TTC3: variants seen among roughly 807,000 people sequenced by gnomAD.
TTC3 encodes the protein tetratricopeptide repeat domain 3.
A neutral mutation model predicts 249.6 loss-of-function variants in TTC3; 180 were observed. That is an observed-to-expected ratio of 0.72 (90% CI 0.64 to 0.82). The LOEUF (loss-of-function observed/expected upper bound fraction) is 0.82. TTC3 is among the 40% of genes least tolerant of loss of function. The probability of loss-of-function intolerance (pLI) is 0.00; values close to 1 mark genes in which losing one functional copy is unlikely to be tolerated. For synonymous variants in TTC3, 717 were observed against 805.0 expected (o/e 0.89, Z 1.85); for missense variants, 2,061 against 2,398.4 (o/e 0.86, Z 2.94).
intron 22 of TTC3, among the ~76,000 whole-genome samples, chr21:37,148,087 G>A (rs1402511094): frequency 1.3e-5 from 2 of 152,084 alleles, no homozygotes; most frequent in Non-Finnish European, 1.5e-5. Context: ...ATGTATAAAC[G>A]CTCTGGGCTG....
chr21:37,120,761 G>A (rs915573949), intron 11 of TTC3, among the ~76,000 whole-genome samples: 3 of 152,142 alleles, frequency 2.0e-5, no homozygotes, highest in Non-Finnish European at 4.4e-5. Flanking sequence ...GCATAAACAC[G>A]TACCCACGTA....
intron 10 of TTC3, among the ~76,000 whole-genome samples, chr21:37,105,314 G>C (rs920380341): frequency 6.6e-6 from 1 of 152,106 alleles, no homozygotes; most frequent in African/African-American, 2.4e-5. Context: ...AAATGGTAAA[G>C]AAAACTTACC....
At chr21:37,091,393 T>C in exon 7 of TTC3, 3 of 1,609,278 alleles carry the variant, frequency 1.9e-6, no homozygotes, top group Non-Finnish European at 2.5e-6. Context: ...TGGCCTATGT[T>C]AAGTATTTTC....
At chr21:37,129,009 C>T (rs1297767820) in exon 16 of TTC3, 1 of 1,591,396 alleles carries the variant, frequency 6.3e-7, no homozygotes, top group Non-Finnish European at 8.5e-7. Flanking sequence ...ACAGGTCAGC[C>T]TCCAAAACAT....
At chr21:37,073,389 C>A (rs1320258897) in intron 1 of TTC3, 14 of 986,012 alleles carry the variant, frequency 1.4e-5, no homozygotes, top group Non-Finnish European at 1.7e-5. Flanking sequence ...GGCGCGCTGC[C>A]GGGCTCCCGG....
intron 32 of TTC3, among the ~76,000 whole-genome samples, chr21:37,164,896 T>G (rs1198767224): frequency 1.3e-5 from 2 of 152,222 alleles, no homozygotes; most frequent in African/African-American, 2.4e-5. Flanking sequence ...GTCAGTAGCA[T>G]ATCCACCATA....
Position 37,115,790 on chromosome 21 carries a change from C to G in TTC3, c.901-6027C>G, listed in dbSNP as rs149886546. On this transcript the variant is annotated intron_variant, in intron 11 of 45. Transcript: ENST00000355666. ...TTCCTCAGACATTCCAGGCCCACTTCCACTTTGTACTTGCCCTTCCCTCTG... is the reference window on the plus strand; with the variant it reads ...TTCCTCAGACATTCCAGGCCCACTTGCACTTTGTACTTGCCCTTCCCTCTG... Among the ~76,000 whole-genome samples the G allele has an allele frequency of 4.9e-4, 75 of 152,314 alleles. 2 individuals carry two copies. The highest frequency in any genetic ancestry group is 3.9e-3 in the East Asian group (20 of 5,190).
intron 6 of TTC3, 80 bp downstream of exon 6, chr21:37,090,366 G>C (rs532856592): frequency 7.8e-7 from 1 of 1,286,728 alleles, no homozygotes; most frequent in African/African-American, 1.5e-5. Context: ...CCTTGCATTG[G>C]GTCCATACAC....
chr21:37,081,373 C>CCCG (rs1186799046), intron 1 of TTC3, among the ~76,000 whole-genome samples: 97 of 152,230 alleles, frequency 6.4e-4, no homozygotes, highest in Non-Finnish European at 8.2e-4. Context: ...GCCTCAGCCT[C>CCCG]CCAAAGTGCT....
chr21:37,149,740 C>T (rs1356592220), intron 23 of TTC3, among the ~76,000 whole-genome samples: 2 of 152,108 alleles, frequency 1.3e-5, no homozygotes, highest in East Asian at 3.9e-4. Context: ...TGAAGAATGA[C>T]CCTTTTCTGG....
intron 1 of TTC3, chr21:37,086,780 T>C (rs1408597643): frequency 6.3e-6 from 1 of 159,690 alleles, no homozygotes; most frequent in East Asian, 1.8e-4. Context: ...AGGATTTAGG[T>C]TAGGCCAGGA....
At chr21:37,086,152 A>C (rs949124268) in intron 1 of TTC3, 5 of 152,200 alleles carry the variant, frequency 3.3e-5, no homozygotes, top group Non-Finnish European at 7.3e-5. Context: ...TCATACAGCA[A>C]ATTGGACATC....
intron 44 of TTC3, among the ~76,000 whole-genome samples, chr21:37,199,884 C>G (rs899847357): frequency 1.3e-5 from 2 of 152,126 alleles, no homozygotes; most frequent in Non-Finnish European, 2.9e-5. Flanking sequence ...AATTTACTAC[C>G]CTCAACTGTT....
chr21:37,194,010 G>C (rs1220340267), intron 41 of TTC3: 3 of 152,224 alleles, frequency 2.0e-5, no homozygotes, highest in Non-Finnish European at 4.4e-5. Context: ...AACACACAGT[G>C]CTCCTGGAGC....
intron 36 of TTC3, among the ~76,000 whole-genome samples, chr21:37,184,223 G>T (rs905298438): frequency 6.6e-6 from 1 of 152,130 alleles, no homozygotes; most frequent in Non-Finnish European, 1.5e-5. Flanking sequence ...ACTAAAAAGT[G>T]TGGAAATATT....
chr21:37,097,832 G>T, intron 10 of TTC3: 1 of 592,092 alleles, frequency 1.7e-6, no homozygotes, highest in Non-Finnish European at 3.1e-6. Flanking sequence ...TTGTATGGGA[G>T]GGTGGGAGTG....
At chr21:37,152,155 T>C in intron 26 of TTC3, 126 bp downstream of exon 26, 1 of 1,116,040 alleles carries the variant, frequency 9.0e-7, no homozygotes. Flanking sequence ...AGTAATTTAA[T>C]ACTATCACTG....
intron 1 of TTC3, among the ~76,000 whole-genome samples, chr21:37,076,694 ATTTTTTTTTTTT>A (rs61629167): frequency 7.1e-4 from 67 of 95,004 alleles, no homozygotes; most frequent in African/African-American, 2.8e-3. Context: ...AAACAAAGGG[ATTTTTTTTTTTT>A]TTTTTTTTTT....
intron 4 of TTC3, among the ~76,000 whole-genome samples, chr21:37,088,576 G>A (rs561895958): frequency 6.6e-6 from 1 of 152,338 alleles, no homozygotes; most frequent in East Asian, 1.9e-4. Flanking sequence ...GCTGAGTCAG[G>A]AGGAATTAAC....
Sources: gnomAD v4.1 joint callset for allele counts (sites outside exome capture counted in the v4.1 genomes callset) on GRCh38, gnomAD v4.1.1 for gene constraint, MANE v1.5 for transcripts, NCBI Gene and HGNC (gene_info 2026-07-23, HGNC 2026-07-21) for gene names.